Variants in LRP1B observed in about 807,000 individuals in gnomAD.
The protein encoded by LRP1B is LDL receptor related protein 1B.
Under a neutral mutation model 556.6 loss-of-function variants are expected in LRP1B, and 217 were observed. That is an observed-to-expected ratio of 0.39 (90% CI 0.35 to 0.44). LRP1B has a LOEUF of 0.44. Ranked by LOEUF, LRP1B falls within the 20% of genes least tolerant of loss-of-function variation. LRP1B has a pLI of 1.00. For synonymous variants in LRP1B, 2,047 were observed against 1,865.8 expected, an observed-to-expected ratio of 1.10 and a Z score of -2.50; for missense variants, 5,053 against 5,620.8, an observed-to-expected ratio of 0.90 and a Z score of 3.23.
chr2:141,628,218 G>T (rs1253287552), intron 2 of LRP1B, among the ~76,000 whole-genome samples: 1 of 152,156 alleles, frequency 6.6e-6, no homozygotes, highest in African/African-American at 2.4e-5. Context: ...ACATTGGTAA[G>T]AATAGATGAT....
intron 7 of LRP1B, among the ~76,000 whole-genome samples, chr2:141,172,236 C>G (rs1680530986): frequency 6.6e-6 from 1 of 152,016 alleles, no homozygotes; most frequent in South Asian, 2.1e-4. Context: ...GGGCAGGAGG[C>G]AGGCCAGGAT....
At chr2:141,622,438 G>A (rs1340689591) in intron 2 of LRP1B, among the ~76,000 whole-genome samples, 3 of 152,098 alleles carry the variant, frequency 2.0e-5, no homozygotes, top group Non-Finnish European at 4.4e-5. Flanking sequence ...GTCAATTACT[G>A]TACTCAACTT....
intron 14 of LRP1B, among the ~76,000 whole-genome samples, chr2:141,006,377 ACTC>A (rs747162212): frequency 6.6e-6 from 1 of 151,976 alleles, no homozygotes; most frequent in Non-Finnish European, 1.5e-5. Flanking sequence ...GTTGGAACTT[ACTC>A]CTCCTATCTA....
At chr2:141,873,131 G>A (rs1249815733) in intron 1 of LRP1B, among the ~76,000 whole-genome samples, 1 of 151,944 alleles carries the variant, frequency 6.6e-6, no homozygotes, top group African/African-American at 2.4e-5. Flanking sequence ...GCTATTACAT[G>A]TTTTGACAGG....
At chr2:141,045,129 A>G (rs1327644886) in intron 11 of LRP1B, among the ~76,000 whole-genome samples, 1 of 136,060 alleles carries the variant, frequency 7.3e-6, no homozygotes, top group African/African-American at 2.7e-5. Context: ...GGGGACATGG[A>G]TGAAATTGGA....
At chr2:141,855,164 C>G (rs1038563922) in intron 1 of LRP1B, among the ~76,000 whole-genome samples, 1 of 151,954 alleles carries the variant, frequency 6.6e-6, no homozygotes, top group Non-Finnish European at 1.5e-5. Flanking sequence ...CAAGATGAAG[C>G]AGCCATTTGA....
intron 23 of LRP1B, among the ~76,000 whole-genome samples, chr2:140,896,607 G>C (rs1251268386): frequency 6.6e-6 from 1 of 152,160 alleles, no homozygotes; most frequent in East Asian, 1.9e-4. Context: ...TCAGTCACCT[G>C]AGTAGCTGGG....
intron 55 of LRP1B, among the ~76,000 whole-genome samples, chr2:140,501,484 A>G (rs1181663056): frequency 6.6e-6 from 1 of 152,018 alleles, no homozygotes; most frequent in Non-Finnish European, 1.5e-5. Flanking sequence ...AAAATGCTTC[A>G]ATTTTATTTT....
chr2:140,354,624 A>G (rs1682127631), intron 75 of LRP1B, among the ~76,000 whole-genome samples: 1 of 151,996 alleles, frequency 6.6e-6, no homozygotes, highest in Non-Finnish European at 1.5e-5. Context: ...AATAAGCAGT[A>G]TTCTGCATGA....
In LRP1B at chr2:140,377,355, G is replaced by A. The variant is rs573972859; in HGVS notation, c.10638+825C>T. Among the ~76,000 whole-genome samples, 11 of 152,254 alleles carry A rather than the reference G, an allele frequency of 7.2e-5. No homozygotes were observed. In the South Asian group the frequency reaches 1.7e-3, roughly 23 times the overall value. ...CTCCCAAAGTGCTAGGATTACAGGC[G>A]TAAGCCACCATGCCCGGCTAGAGCT... On this transcript the variant is annotated intron_variant, in intron 68 of 90. Transcript: ENST00000389484.
At chr2:141,254,873 T>C (rs1347900295) in intron 3 of LRP1B, among the ~76,000 whole-genome samples, 1 of 152,052 alleles carries the variant, frequency 6.6e-6, no homozygotes, top group Admixed American at 6.6e-5. Context: ...CTTATTACTG[T>C]GTTCATAGTC....
At chr2:141,018,273 T>C (rs1697965040) in intron 12 of LRP1B, among the ~76,000 whole-genome samples, 1 of 152,068 alleles carries the variant, frequency 6.6e-6, no homozygotes, top group African/African-American at 2.4e-5. Context: ...TGGAGATGAG[T>C]CAAAATAAGC....
intron 42 of LRP1B, 70 bp from the exon 43 acceptor site, chr2:140,598,905 G>A: frequency 2.1e-6 from 2 of 960,630 alleles, no homozygotes; most frequent in Non-Finnish European, 3.2e-6. Context: ...ATAGAAACAT[G>A]GCAATACCAA....
chr2:140,405,408 A>C (rs868367627), intron 66 of LRP1B, among the ~76,000 whole-genome samples: 4 of 152,178 alleles, frequency 2.6e-5, no homozygotes, highest in South Asian at 2.1e-4. Flanking sequence ...ACAAAACATA[A>C]ATGAAACAAA....
intron 2 of LRP1B, among the ~76,000 whole-genome samples, chr2:141,688,257 G>A (rs1328548915): frequency 6.6e-6 from 1 of 151,350 alleles, no homozygotes; most frequent in Non-Finnish European, 1.5e-5. Context: ...ACAGACATAG[G>A]CTATGTTCTC....
chr2:140,290,329 G>A (rs1318739697), intron 84 of LRP1B, among the ~76,000 whole-genome samples: 1 of 151,982 alleles, frequency 6.6e-6, no homozygotes, highest in Non-Finnish European at 1.5e-5. Context: ...CAATAAACAG[G>A]TTTTCAAGGT....
At chr2:141,729,941 C>T (rs1246474503) in intron 2 of LRP1B, among the ~76,000 whole-genome samples, 2 of 152,032 alleles carry the variant, frequency 1.3e-5, no homozygotes, top group Non-Finnish European at 2.9e-5. Flanking sequence ...TGTTATTTCA[C>T]AGAATAAGCA....
intron 2 of LRP1B, among the ~76,000 whole-genome samples, chr2:141,797,266 G>A (rs1039032571): frequency 7.0e-5 from 10 of 143,802 alleles, no homozygotes; most frequent in African/African-American, 2.1e-4. Context: ...TAAATCTCAG[G>A]CAAAAAAAAA....
rs181418884 is a variant in LRP1B at position 140,353,677 on chromosome 2, A to G, written c.11531-605T>C. 9.9e-5 allele frequency among the ~76,000 whole-genome samples: 15 copies of G among 152,134 alleles called. No homozygotes were observed. The East Asian group carries it at 2.9e-3, about 30-fold the overall frequency. On this transcript the variant is annotated intron_variant, in intron 75 of 90. Coordinates refer to ENST00000389484, the MANE Select transcript of LRP1B (RefSeq NM_018557.3). ...GTGATGATTCATCCTTAGTTTCTCC[A>G]GTTTTTGCTCTCCTGGTGTTTCTCT... is the stretch of plus-strand genomic sequence containing the variant.
Sources: gnomAD v4.1 joint callset for allele counts (sites outside exome capture counted in the v4.1 genomes callset) on GRCh38, gnomAD v4.1.1 for gene constraint, MANE v1.5 for transcripts, NCBI Gene and HGNC (gene_info 2026-07-23, HGNC 2026-07-21) for gene names.